The following PXDN variants were observed in gnomAD, a reference collection of about 807,000 sequenced individuals.
PXDN encodes peroxidasin, also known as peroxidasin homolog.
A neutral mutation model predicts 140.3 loss-of-function variants in PXDN; 77 were observed. The observed-to-expected ratio is 0.55, with a 90% CI of 0.46 to 0.66. The LOEUF (loss-of-function observed/expected upper bound fraction) is 0.66, where lower values mean the gene tolerates loss of function less well. Ranked by LOEUF, PXDN falls within the 30% of genes least tolerant of loss-of-function variation. The pLI is 0.00. For synonymous variants in PXDN, 911 were observed against 857.4 expected (o/e 1.06, Z -1.09); for missense variants, 1,838 against 2,039.5 (o/e 0.90, Z 1.90).
At chr2:1,653,600 A>T in intron 16 of PXDN, 28 bp downstream of exon 16, 10 of 1,610,012 alleles carry the variant, frequency 6.2e-6, no homozygotes, top group Non-Finnish European at 8.5e-6. Flanking sequence ...CAGGCCATGG[A>T]GGAGGAAGAA....
At chr2:1,737,911 TA>T (rs1278330482) in intron 1 of PXDN, among the ~76,000 whole-genome samples, 2 of 152,052 alleles carry the variant, frequency 1.3e-5, no homozygotes, top group African/African-American at 4.8e-5. Flanking sequence ...TTTAGAAAAA[TA>T]TCTATCAACC....
chr2:1,704,989 G>A (rs1371778242), intron 1 of PXDN, among the ~76,000 whole-genome samples: 3 of 152,148 alleles, frequency 2.0e-5, no homozygotes, highest in Admixed American at 1.3e-4. Context: ...AGGATGTAAT[G>A]AGAGGATGCA....
At chr2:1,720,711 C>G (rs987449206) in intron 1 of PXDN, among the ~76,000 whole-genome samples, 4 of 48,200 alleles carry the variant, frequency 8.3e-5, no homozygotes, top group Non-Finnish European at 8.2e-5. Flanking sequence ...ATCTCTTTCT[C>G]TCTCTCTCTC....
At chr2:1,680,057 T>C in intron 7 of PXDN, 136 bp downstream of exon 7, 3 of 1,135,576 alleles carry the variant, frequency 2.6e-6, no homozygotes, top group East Asian at 5.2e-5. Flanking sequence ...TGTCTGCGCG[T>C]GTGTCTATAA....
At chr2:1,689,471 A>T (rs1296522156) in intron 3 of PXDN, among the ~76,000 whole-genome samples, 2 of 152,192 alleles carry the variant, frequency 1.3e-5, no homozygotes, top group Non-Finnish European at 2.9e-5. Flanking sequence ...ATTGGAACGT[A>T]ATTTGTTTTC....
upstream of PXDN, chr2:1,744,830 G>A (rs889226915): frequency 5.4e-6 from 1 of 186,536 alleles, no homozygotes. Context: ...CGCTCACTAC[G>A]GGTTTTTTAG....
chr2:1,683,420 A>C (rs1683963588), intron 6 of PXDN, among the ~76,000 whole-genome samples: 2 of 152,214 alleles, frequency 1.3e-5, no homozygotes, highest in South Asian at 4.1e-4. Flanking sequence ...TATCTGAAAA[A>C]AAATTTTTTT....
intron 1 of PXDN, among the ~76,000 whole-genome samples, chr2:1,716,945 T>A (rs996547470): frequency 6.6e-6 from 1 of 152,148 alleles, no homozygotes; most frequent in Non-Finnish European, 1.5e-5. Context: ...AAGGCGTCAC[T>A]AGCCTTGCCC....
chr2:1,652,785 C>T (rs776352329), intron 16 of PXDN, among the ~76,000 whole-genome samples: 3 of 152,196 alleles, frequency 2.0e-5, no homozygotes, highest in African/African-American at 4.8e-5. Context: ...CTCAATTCCA[C>T]GTCTCTTTCA....
intron 7 of PXDN, among the ~76,000 whole-genome samples, chr2:1,679,096 G>GTGTGTT (rs1683801625): frequency 6.7e-6 from 1 of 149,886 alleles, no homozygotes; most frequent in Non-Finnish European, 1.5e-5. Flanking sequence ...GCATGTGTGT[G>GTGTGTT]TGTGTGTGTG....
chr2:1,660,334 CA>C lies in PXDN; in HGVS notation c.1837+546del, dbSNP rs1401481910. ...GAGTGGGATGGAAGTGGTGGCGGAC[CA>C]GGATGCAAACAGACAGATGCAGGCA... On this transcript the variant is annotated intron_variant, in intron 14 of 22. Coordinates refer to ENST00000252804, the MANE Select transcript of PXDN (RefSeq NM_012293.3). The surrounding 1 kb of genome is among the most constrained non-coding windows in gnomAD (Gnocchi z 4.6). 6.6e-6 allele frequency among the ~76,000 whole-genome samples: 1 copy of C among 152,060 alleles called. No homozygotes were observed. Among genetic ancestry groups the C allele is most frequent in the Non-Finnish European group, 1.5e-5 (1 of 68,022 alleles).
chr2:1,635,338 T>C, intron 22 of PXDN, 70 bp downstream of exon 22: 1 of 1,361,312 alleles, frequency 7.3e-7, no homozygotes, highest in Non-Finnish European at 1.0e-6. Context: ...GCCACCCACC[T>C]GAGTGGTCAC....
At chr2:1,702,946 T>C (rs931238572) in intron 1 of PXDN, among the ~76,000 whole-genome samples, 3 of 147,448 alleles carry the variant, frequency 2.0e-5, no homozygotes, top group African/African-American at 7.7e-5. Flanking sequence ...ATATGTAAGA[T>C]GAATTTAGTT....
At chr2:1,681,044 A>G (rs1683889468) in intron 6 of PXDN, among the ~76,000 whole-genome samples, 1 of 152,190 alleles carries the variant, frequency 6.6e-6, no homozygotes, top group Non-Finnish European at 1.5e-5. Flanking sequence ...GAGGAGTTCC[A>G]GGTAGCAAAC....
intron 1 of PXDN, among the ~76,000 whole-genome samples, chr2:1,699,483 C>T (rs977617004): frequency 6.6e-6 from 1 of 152,204 alleles, no homozygotes; most frequent in Non-Finnish European, 1.5e-5. Context: ...CCGAGGCCGG[C>T]GGATCACCTG....
chr2:1,650,163 C>T (rs1682981936), intron 16 of PXDN, among the ~76,000 whole-genome samples: 1 of 152,216 alleles, frequency 6.6e-6, no homozygotes, highest in Non-Finnish European at 1.5e-5. Context: ...TCCACTGAGG[C>T]TTCATGCTGT....
intron 3 of PXDN, among the ~76,000 whole-genome samples, chr2:1,688,913 A>G (rs2125447994): frequency 6.6e-6 from 1 of 152,326 alleles, no homozygotes; most frequent in Middle Eastern, 3.4e-3. Flanking sequence ...TGCAGGATCC[A>G]GTTTAACAGG....
intron 14 of PXDN, among the ~76,000 whole-genome samples, chr2:1,659,683 T>C (rs1683258238): frequency 1.3e-5 from 2 of 152,212 alleles, no homozygotes; most frequent in African/African-American, 2.4e-5. Context: ...AATAATCTAC[T>C]GGTTTTTAAG....
intron 3 of PXDN, 31 bp downstream of exon 3, chr2:1,691,896 CT>C: frequency 7.4e-7 from 1 of 1,354,936 alleles, no homozygotes; most frequent in Non-Finnish European, 1.0e-6. Flanking sequence ...ATACCATAAG[CT>C]TTTAGGTTAA....
Sources: allele counts gnomAD v4.1 joint callset (sites outside exome capture counted in the v4.1 genomes callset), GRCh38; gene constraint gnomAD v4.1.1; non-coding constraint Gnocchi (gnomAD v3.1); transcripts MANE v1.5; gene names NCBI Gene and HGNC (gene_info 2026-07-23, HGNC 2026-07-21).